Variants in RGS14 observed in about 807,000 individuals in gnomAD.
RGS14 encodes the protein regulator of G-protein signaling 14.
Under a neutral mutation model 63.8 loss-of-function variants are expected in RGS14, and 33 were observed. The observed-to-expected ratio is 0.52, with a 90% CI of 0.39 to 0.69. The LOEUF (loss-of-function observed/expected upper bound fraction) is 0.69. Ranked by LOEUF, RGS14 falls within the 30% of genes least tolerant of loss-of-function variation. The pLI is 0.00. For synonymous variants in RGS14, 296 were observed against 320.9 expected (o/e 0.92, Z 0.83); for missense variants, 739 against 742.9 (o/e 0.99, Z 0.06).
chr5:177,369,477 T>TG (rs1368277763), intron 9 of RGS14, among the ~76,000 whole-genome samples: 1 of 152,002 alleles, frequency 6.6e-6, no homozygotes, highest in Admixed American at 6.6e-5. Flanking sequence ...GCCAGGTGTG[T>TG]GGGGGAGAGG....
intron 10 of RGS14, 26 bp from the exon 11 acceptor site, chr5:177,370,879 C>A: frequency 6.3e-7 from 1 of 1,587,058 alleles, no homozygotes. Context: ...CCCTCCGGCC[C>A]TCTGCTGCCC....
At chr5:177,366,437 G>A in intron 3 of RGS14, 82 bp downstream of exon 3, 1 of 1,288,100 alleles carries the variant, frequency 7.8e-7, no homozygotes, top group Non-Finnish European at 1.1e-6. Flanking sequence ...CCAGAGTGGG[G>A]TCCTCTGTCA....
Position 177,366,561 on chromosome 5 carries a change from T to C in RGS14, c.247-147T>C, listed in dbSNP as rs73804309. On this transcript the variant is annotated intron_variant, in intron 3 of 14. Transcript: ENST00000408923. Reference sequence around the variant, plus strand: ...CTCATTTTCTCTCCCTGTCTTCAGATCGGTCTGGCTCCGTCTGTCTGTCTG... The same window carrying C: ...CTCATTTTCTCTCCCTGTCTTCAGACCGGTCTGGCTCCGTCTGTCTGTCTG... 5.2e-5 allele frequency: 43 copies of C among 831,900 alleles called. No individual in the cohort carries two copies. In the African/African-American group the frequency reaches 6.1e-4, roughly 12 times the overall value. The allele number at this position is 831,900 out of a possible 1,614,324, so 51.5% of individuals were successfully genotyped here. A position where few individuals can be genotyped will look rare whatever the true frequency, so the allele number is the denominator to read the frequency against.
At chr5:177,369,062 T>G in intron 9 of RGS14, 142 bp downstream of exon 9, 1 of 747,942 alleles carries the variant, frequency 1.3e-6, no homozygotes, top group Non-Finnish European at 2.3e-6. Flanking sequence ...CAACTTTCAC[T>G]CACTCAGACA....
intron 1 of RGS14, among the ~76,000 whole-genome samples, chr5:177,362,567 ATTC>A (rs1761990840): frequency 6.6e-6 from 1 of 152,130 alleles, no homozygotes; most frequent in Non-Finnish European, 1.5e-5. Context: ...TCGGGGAGCA[ATTC>A]CAAGCGAAGA....
chr5:177,362,746 G>A lies in RGS14; in HGVS notation c.46-3217G>A, dbSNP rs1761995638. ...CAGGTAGGGTTTTAGCCGTAACCTGGCAACCGCAACGTGCCTCCGGGGGCA... is the reference window on the plus strand; with the variant it reads ...CAGGTAGGGTTTTAGCCGTAACCTGACAACCGCAACGTGCCTCCGGGGGCA... On this transcript the variant is annotated intron_variant, in intron 1 of 14. Coordinates refer to ENST00000408923, the MANE Select transcript of RGS14 (RefSeq NM_006480.5). 1.3e-5 allele frequency among the ~76,000 whole-genome samples: 2 copies of A among 152,048 alleles called. 1 individual carries two copies. The highest frequency in any genetic ancestry group is 4.1e-4 in the South Asian group (2 of 4,826).
Position 177,368,741 on chromosome 5 carries a change from A to T in RGS14, c.874A>T (p.Thr292Ser), listed in dbSNP as rs971096898. The T allele has an allele frequency of 2.5e-6, 4 of 1,614,070 alleles. No individual in the cohort carries two copies. The highest frequency in any genetic ancestry group is 2.5e-6 in the Non-Finnish European group (3 of 1,180,038). The change falls in exon 9 of 15, where the codon ACG (threonine) becomes TCG (serine). Residue 292 changes from threonine to serine, a missense_variant. By Grantham distance (58) the Thr-to-Ser change is moderately conservative. Coordinates refer to ENST00000408923, the MANE Select transcript of RGS14 (RefSeq NM_006480.5). ...GAGCCACCGGAAGAGCCTTGGGAGC[A>T]CGGAGGGTGAAAGTGAAAGCCGGCC... Reference protein sequence around the residue: ...SESHRKSLGSTEGESESRPGK... With the variant: ...SESHRKSLGSSEGESESRPGK...
chr5:177,358,113 A>C lies in RGS14; in HGVS notation c.45+44A>C, dbSNP rs777091726. ...CCAGGGCCACGAGGAGGGGGTGGGC[A>C]CACCCAGGGTGGAGCCCAGGAGGCA... On this transcript the variant is annotated intron_variant, in intron 1 of 14. Coordinates refer to ENST00000408923, the MANE Select transcript of RGS14 (RefSeq NM_006480.5). This position sits in a 1 kb window ranked among gnomAD's most constrained non-coding sequence, Gnocchi z 4.8. The C allele has an allele frequency of 2.3e-5, 30 of 1,303,250 alleles. No homozygotes were observed. In the East Asian group the frequency reaches 3.3e-4, roughly 14 times the overall value. 80.7% of individuals were successfully genotyped at this position (1,303,250 alleles called of 1,614,324 possible). A position where few individuals can be genotyped will look rare whatever the true frequency, so the allele number is the denominator to read the frequency against.
At position 177,372,310 on chromosome 5, in the gene RGS14, A is replaced by C; in HGVS notation, c.*235A>C. 9.5e-6 allele frequency: 5 copies of C among 525,818 alleles called. No individual in the cohort carries two copies. Among genetic ancestry groups the C allele is most frequent in the Admixed American group, 3.5e-5 (1 of 28,910 alleles). 32.6% of individuals were successfully genotyped at this position (525,818 alleles called of 1,614,324 possible). ...CCCAATCCCTTGCAGCCAGGCCACA[A>C]TGGGGGAGGTGAGTCCAGCCCCTTG... On this transcript the variant is annotated 3_prime_UTR_variant, in exon 15 of 15. Transcript: ENST00000408923.
rs202006838 is a variant in RGS14 at position 177,371,262 on chromosome 5, C to T, written c.1336+16C>T. On this transcript the variant is annotated intron_variant, in intron 12 of 14. Coordinates refer to ENST00000408923, the MANE Select transcript of RGS14 (RefSeq NM_006480.5). The surrounding 1 kb of genome is among the most constrained non-coding windows in gnomAD (Gnocchi z 6.1). Reference sequence around the variant, plus strand: ...ACTCTTCCAGGTAGGGGACGCTGGCCTCGGGGCTTGATCTGGAACAGCTGT... The same window carrying T: ...ACTCTTCCAGGTAGGGGACGCTGGCTTCGGGGCTTGATCTGGAACAGCTGT... 28 of 1,614,080 alleles carry T rather than the reference C, an allele frequency of 1.7e-5. No individual in the cohort carries two copies. In the Admixed American group the frequency reaches 2.2e-4, roughly 12 times the overall value.
rs756962872 is a variant in RGS14 at position 177,366,317 on chromosome 5, C to T, written c.208C>T (p.Arg70Trp). Residue 70 changes from arginine to tryptophan, a missense_variant, in exon 3 of 15, where the codon CGG becomes TGG. Physicochemically the swap from Arg to Trp is moderately radical, Grantham distance 101. Coordinates refer to ENST00000408923, the MANE Select transcript of RGS14 (RefSeq NM_006480.5). The part of the protein sequence containing the change: ...PVASWALSFE[R>W]LLQDPLGLAY... ...GGCCAGCTGGGCCCTGTCCTTCGAG[C>T]GGCTGTTGCAGGACCCGCTGGGCCT... 7 of 1,553,184 alleles carry T rather than the reference C, an allele frequency of 4.5e-6. No homozygotes were observed. Among genetic ancestry groups the T allele is most frequent in the Admixed American group, 3.9e-5 (2 of 51,236 alleles).
At chr5:177,365,839 G>A in intron 1 of RGS14, 124 bp from the exon 2 acceptor site, 2 of 963,050 alleles carry the variant, frequency 2.1e-6, no homozygotes, top group South Asian at 2.6e-5. Context: ...TGACCAAGTA[G>A]AACCTGGCCG....
intron 5 of RGS14, 41 bp downstream of exon 5, chr5:177,367,075 A>G: frequency 6.3e-7 from 1 of 1,577,266 alleles, no homozygotes; most frequent in Non-Finnish European, 8.6e-7. Context: ...AGGGAGACAA[A>G]AGGAGCAGGG....
In RGS14 at chr5:177,359,383, C is replaced by T. The variant is rs543619378; in HGVS notation, c.45+1314C>T. On this transcript the variant is annotated intron_variant, in intron 1 of 14. Transcript: ENST00000408923. The surrounding 1 kb of genome is among the most constrained non-coding windows in gnomAD (Gnocchi z 4.4). Reference sequence around the variant, plus strand: ...CATGTCACAGGCATGACACTTCGCTCGTCCTTGCCTAGGCGACCGGGCCAG... The same window carrying T: ...CATGTCACAGGCATGACACTTCGCTTGTCCTTGCCTAGGCGACCGGGCCAG... Among the ~76,000 whole-genome samples the T allele has an allele frequency of 3.3e-5, 5 of 152,318 alleles. No individual in the cohort carries two copies. The highest frequency in any genetic ancestry group is 5.9e-5 in the Non-Finnish European group (4 of 68,020).
rs374571122 is a variant in RGS14, at chr5:177,366,218, C to A, written c.109C>A (p.Arg37Ser). The change falls in exon 3 of 15, where the codon CGC becomes AGC. Residue 37 changes from arginine to serine, a missense_variant. Coordinates refer to ENST00000408923, the MANE Select transcript of RGS14 (RefSeq NM_006480.5). ...TTGPQGQGEG[R>S]GSSLSIHSLP... ...GGGGCCCCAGGGCCAGGGCGAGGGC[C>A]GCGGCAGCTCTCTCAGCATCCACAG... The A allele has an allele frequency of 6.2e-7, 1 of 1,603,728 alleles. No homozygotes were observed. The highest frequency in any genetic ancestry group is 8.5e-7 in the Non-Finnish European group (1 of 1,176,348).
rs1762045788 is a variant in RGS14, at chr5:177,364,475, G to A, written c.46-1488G>A. ...TTGTGGGACATTTGAGGGGGGACTC[G>A]CCCCCCTCCGCTGGGCTGCCTGGCC... On this transcript the variant is annotated intron_variant, in intron 1 of 14. Coordinates refer to ENST00000408923, the MANE Select transcript of RGS14 (RefSeq NM_006480.5). This position sits in a 1 kb window ranked among gnomAD's most constrained non-coding sequence, Gnocchi z 4.6. 4.6e-5 allele frequency among the ~76,000 whole-genome samples: 7 copies of A among 152,202 alleles called. No individual in the cohort carries two copies. In the South Asian group the frequency reaches 1.2e-3, roughly 27 times the overall value.
rs1474384788 is a variant in RGS14, at chr5:177,367,787, G to T, written c.701G>T (p.Gly234Val). 6.2e-7 allele frequency: 1 copy of T among 1,610,834 alleles called. No homozygotes were observed. The highest frequency in any genetic ancestry group is 1.7e-5 in the Admixed American group (1 of 59,314). ...EELGQLPPVEGPGGRPLRKSF... is the reference protein window; with the variant it reads ...EELGQLPPVEVPGGRPLRKSF... ...TTGGGGCAGCTGCCACCCGTTGAGGGTCCTGGGGGCCGCCCTCTCCGCAAG... is the reference window on the plus strand; with the variant it reads ...TTGGGGCAGCTGCCACCCGTTGAGGTTCCTGGGGGCCGCCCTCTCCGCAAG... The change falls in exon 7 of 15, where the codon GGT becomes GTT. Residue 234 changes from glycine to valine, a missense_variant. Coordinates refer to ENST00000408923, the MANE Select transcript of RGS14 (RefSeq NM_006480.5).
At position 177,367,512 on chromosome 5, in the gene RGS14, G is replaced by A. The variant is rs1422542030; in HGVS notation, c.582G>A (p.Arg194=). ...CCGAAGCCGAGGGACGCCCTCTGCG[G>A]GAACCTGGCTCCTCGCGCCTCGGCA... ...LLAEAEGRPL[R]EPGSSRLGSP... Residue 194 remains arginine, a synonymous_variant, in exon 6 of 15, where the codon CGG becomes CGA. Coordinates refer to ENST00000408923, the MANE Select transcript of RGS14 (RefSeq NM_006480.5). 9 of 1,612,296 alleles carry A rather than the reference G, an allele frequency of 5.6e-6. No individual in the cohort carries two copies. Among genetic ancestry groups the A allele is most frequent in the Non-Finnish European group, 7.6e-6 (9 of 1,179,328 alleles).
At chr5:177,365,812 C>A in intron 1 of RGS14, 151 bp from the exon 2 acceptor site, 1 of 774,116 alleles carries the variant, frequency 1.3e-6, no homozygotes, top group South Asian at 1.5e-5. Context: ...GAGCCAGGGG[C>A]AGACTGAGGA....
Sources: gnomAD v4.1 joint callset for allele counts (sites outside exome capture counted in the v4.1 genomes callset) on GRCh38, gnomAD v4.1.1 for gene constraint, Gnocchi (gnomAD v3.1) non-coding constraint, MANE v1.5 for transcripts, NCBI Gene and HGNC (gene_info 2026-07-23, HGNC 2026-07-21) for gene names.